The following RFTN1 variants were observed in gnomAD, a reference collection of about 807,000 sequenced individuals.
The protein encoded by RFTN1 is raftlin, lipid raft linker 1.
Under a neutral mutation model 46.5 loss-of-function variants are expected in RFTN1, and 26 were observed. The ratio of observed to expected loss-of-function variants is 0.56; its 90% CI spans 0.41 to 0.78. The LOEUF is 0.78. Ranked by LOEUF, RFTN1 falls within the 30% of genes least tolerant of loss-of-function variation. The probability of loss-of-function intolerance (pLI) is 0.00; values close to 1 mark genes in which losing one functional copy is unlikely to be tolerated. For missense variants in RFTN1, 693 were observed against 718.7 expected (o/e 0.96, Z 0.41); for synonymous variants, 261 against 284.2 (o/e 0.92, Z 0.82).
rs1169699966 is a variant in RFTN1, at chr3:16,376,196, A to G, written c.826+1522T>C. Among the ~76,000 whole-genome samples, 1 of 152,198 alleles carries G rather than the reference A, an allele frequency of 6.6e-6. No homozygotes were observed. Among genetic ancestry groups the G allele is most frequent in the African/African-American group, 2.4e-5 (1 of 41,450 alleles). On this transcript the variant is annotated intron_variant, in intron 5 of 9. Transcript: ENST00000334133. The surrounding 1 kb of genome is among the most constrained non-coding windows in gnomAD (Gnocchi z 4.7). ...ACTGAGCCTGTACCCCAATAATAGC[A>G]GCTCATACTCATGAGTCAAACAGTG...
Position 16,466,209 on chromosome 3 carries a change from A to G in RFTN1, c.145+27516T>C, listed in dbSNP as rs2076088282. ...CTGCCTAGCACGTCCTGCTCTTGCA[A>G]CAAAGAACACTTTTAACTTGCATCG... On this transcript the variant is annotated intron_variant, in intron 2 of 9. Coordinates refer to ENST00000334133, the MANE Select transcript of RFTN1 (RefSeq NM_015150.2). The surrounding 1 kb of genome is among the most constrained non-coding windows in gnomAD (Gnocchi z 5.6). Among the ~76,000 whole-genome samples, 1 of 152,220 alleles carries G rather than the reference A, an allele frequency of 6.6e-6. No homozygotes were observed. Among genetic ancestry groups the G allele is most frequent in the Admixed American group, 6.5e-5 (1 of 15,292 alleles).
chr3:16,395,752 AACTTT>A (rs1159265042), intron 4 of RFTN1, among the ~76,000 whole-genome samples: 3 of 152,202 alleles, frequency 2.0e-5, no homozygotes, highest in Non-Finnish European at 2.9e-5. Flanking sequence ...TGTTAAGTAC[AACTTT>A]ACTTTGTAGA....
chr3:16,455,309 T>C (rs930757054), intron 2 of RFTN1, among the ~76,000 whole-genome samples: 1 of 152,208 alleles, frequency 6.6e-6, no homozygotes, highest in African/African-American at 2.4e-5. Flanking sequence ...AGAGGCTTAT[T>C]TGGCAAAAGC....
rs952066293 is a variant in RFTN1 at position 16,422,629 on chromosome 3, A to T, written c.332+11222T>A. Among the ~76,000 whole-genome samples the T allele has an allele frequency of 8.4e-5, 12 of 143,340 alleles. 1 individual carries two copies. In the South Asian group the frequency reaches 1.8e-3, roughly 21 times the overall value. 94.0% of individuals were successfully genotyped at this position (143,340 alleles called of 152,430 possible). The stretch of plus-strand genomic sequence containing the variant: ...CTGGTGACAAAGCGAGACTCCGTCT[A>T]AAAAAAAAAAAGAATAGTGCCCTAC... On this transcript the variant is annotated intron_variant, in intron 3 of 9. Transcript: ENST00000334133. This position sits in a 1 kb window ranked among gnomAD's most constrained non-coding sequence, Gnocchi z 4.6.
chr3:16,370,183 C>A lies in RFTN1; in HGVS notation c.923G>T (p.Gly308Val). Residue 308 changes from glycine (G) to valine (V), a missense_variant, in exon 6 of 10, where the codon GGC becomes GTC. Physicochemically the swap from Gly to Val is moderately radical, Grantham distance 109. Coordinates refer to ENST00000334133, the MANE Select transcript of RFTN1 (RefSeq NM_015150.2). This position sits in a 1 kb window ranked among gnomAD's most constrained non-coding sequence, Gnocchi z 5.5. ...VTIPLHVSKN[G>V]QTVSGLDANW... ...GGCGTCCAAACCGCTCACTGTCTGG[C>A]CATTCTTGGAGACATGGAGAGGAAT... 1 of 1,614,178 alleles carries A rather than the reference C, an allele frequency of 6.2e-7. No homozygotes were observed. The highest frequency in any genetic ancestry group is 1.1e-5 in the South Asian group (1 of 91,078).
rs372053216 is a variant in RFTN1, at chr3:16,475,504, A to G, written c.145+18221T>C. On this transcript the variant is annotated intron_variant, in intron 2 of 9. Transcript: ENST00000334133. This position sits in a 1 kb window ranked among gnomAD's most constrained non-coding sequence, Gnocchi z 4.2. ...ACAGAAACAAAAGGCAAAGAAGGCA[A>G]TTACCCTACTGGGTGAGGTGAATGA... Among the ~76,000 whole-genome samples the G allele has an allele frequency of 3.9e-5, 6 of 152,302 alleles. No individual in the cohort carries two copies. In the East Asian group the frequency reaches 7.7e-4, roughly 20 times the overall value.
intron 5 of RFTN1, among the ~76,000 whole-genome samples, chr3:16,375,634 G>A (rs552784767): frequency 2.0e-5 from 3 of 152,268 alleles, no homozygotes; most frequent in East Asian, 1.9e-4. Flanking sequence ...TCAGAGATTC[G>A]CAGCCTGAGC....
chr3:16,323,450 T>C lies in RFTN1; in HGVS notation c.1258A>G (p.Ser420Gly). Residue 420 changes from serine to glycine, a missense_variant, in exon 9 of 10, where the codon AGT becomes GGT. Physicochemically the swap from Ser to Gly is moderately conservative, Grantham distance 56. Coordinates refer to ENST00000334133, the MANE Select transcript of RFTN1 (RefSeq NM_015150.2). The stretch of plus-strand genomic sequence containing the variant: ...AAGACAATCTGCTTGGTGGATACAC[T>C]CCCCTCGCTGTAACACACGGAGCTG... ...TPVVKTTSEG[S>G]VSTKQIVFLQ... is the part of the protein sequence containing the mutation. 2 of 1,610,598 alleles carry C rather than the reference T, an allele frequency of 1.2e-6. No homozygotes were observed. The highest frequency in any genetic ancestry group is 1.7e-6 in the Non-Finnish European group (2 of 1,177,110).
rs1028585658 is a variant in RFTN1, at chr3:16,335,467, T to C, written c.1147-8591A>G. Among the ~76,000 whole-genome samples the C allele has an allele frequency of 6.6e-6, 1 of 152,238 alleles. No individual in the cohort carries two copies. Among genetic ancestry groups the C allele is most frequent in the African/African-American group, 2.4e-5 (1 of 41,462 alleles). ...ACGAATCACGTCCTTTGTGGGGACATGGATGGAGCTGGAAGCTGTTATCCT... is the reference window on the plus strand; with the variant it reads ...ACGAATCACGTCCTTTGTGGGGACACGGATGGAGCTGGAAGCTGTTATCCT... On this transcript the variant is annotated intron_variant, in intron 7 of 9. Coordinates refer to ENST00000334133, the MANE Select transcript of RFTN1 (RefSeq NM_015150.2). The surrounding 1 kb of genome is among the most constrained non-coding windows in gnomAD (Gnocchi z 4.7).
At position 16,440,389 on chromosome 3, in the gene RFTN1, G is replaced by C. The variant is rs558653141; in HGVS notation, c.146-6352C>G. 2.0e-5 allele frequency among the ~76,000 whole-genome samples: 3 copies of C among 152,284 alleles called. No homozygotes were observed. In the South Asian group the frequency reaches 6.2e-4, roughly 32 times the overall value. On this transcript the variant is annotated intron_variant, in intron 2 of 9. Coordinates refer to ENST00000334133, the MANE Select transcript of RFTN1 (RefSeq NM_015150.2). The surrounding 1 kb of genome is among the most constrained non-coding windows in gnomAD (Gnocchi z 4.6). ...TCAGCTAATTTTTGTATTTTTAGTAGAGTCAGGGTTTCACTATGTTGGCCA... is the reference window on the plus strand; with the variant it reads ...TCAGCTAATTTTTGTATTTTTAGTACAGTCAGGGTTTCACTATGTTGGCCA...
At position 16,409,374 on chromosome 3, in the gene RFTN1, C is replaced by T. The variant is rs771293505; in HGVS notation, c.441+1G>A. On this transcript the variant is annotated splice_donor_variant, in intron 4 of 9. Transcript: ENST00000334133. LOFTEE classifies it high-confidence loss of function. ...AATGGTACCCTGACTGTAGCGCTCA[C>T]CTTCTTAATGAACTCTGGGATGAGT... 1 of 1,600,036 alleles carries T rather than the reference C, an allele frequency of 6.2e-7. No homozygotes were observed. Among genetic ancestry groups the T allele is most frequent in the East Asian group, 2.2e-5 (1 of 44,790 alleles).
In RFTN1 at chr3:16,440,714, C is replaced by T. The variant is rs529147273; in HGVS notation, c.146-6677G>A. ...GGGGGGGGGCCCAATGGTGCCAGAA[C>T]TTCTAACTCTTACTTTCAAGAAGTC... is the stretch of plus-strand genomic sequence containing the variant. On this transcript the variant is annotated intron_variant, in intron 2 of 9. Transcript: ENST00000334133. This position sits in a 1 kb window ranked among gnomAD's most constrained non-coding sequence, Gnocchi z 4.6. Among the ~76,000 whole-genome samples the T allele has an allele frequency of 3.7e-4, 57 of 152,162 alleles. No homozygotes were observed. The highest frequency in any genetic ancestry group is 3.4e-3 in the Middle Eastern group (1 of 294).
In RFTN1 at chr3:16,510,714, G is replaced by C. The variant is rs73146259; in HGVS notation, c.-9+2728C>G. Among the ~76,000 whole-genome samples, 961 of 152,288 alleles carry C rather than the reference G, an allele frequency of 6.3e-3. 13 individuals are homozygous for C. The highest frequency in any genetic ancestry group is 0.022 in the African/African-American group (896 of 41,546). ...TATAACCATGTTGGGAAAAGGTCTG[G>C]CAGTTTCTTTTCAGGTTTCCATATA... is the stretch of plus-strand genomic sequence containing the variant. On this transcript the variant is annotated intron_variant, in intron 1 of 9. Coordinates refer to ENST00000334133, the MANE Select transcript of RFTN1 (RefSeq NM_015150.2).
chr3:16,491,601 C>T (rs1323359667), intron 2 of RFTN1, among the ~76,000 whole-genome samples: 1 of 152,110 alleles, frequency 6.6e-6, no homozygotes, highest in Non-Finnish European at 1.5e-5. Flanking sequence ...GGGAAACAAA[C>T]AAATAAGGAG....
intron 9 of RFTN1, among the ~76,000 whole-genome samples, chr3:16,319,480 A>G (rs1292770510): frequency 6.6e-6 from 1 of 152,210 alleles, no homozygotes; most frequent in Non-Finnish European, 1.5e-5. Flanking sequence ...GCACACCTCC[A>G]GGGCCCCATT....
At chr3:16,477,721 G>A (rs1389350149) in intron 2 of RFTN1, among the ~76,000 whole-genome samples, 1 of 152,184 alleles carries the variant, frequency 6.6e-6, no homozygotes, top group Non-Finnish European at 1.5e-5. Flanking sequence ...TTATTTACAT[G>A]AGTGCTAGGG....
At chr3:16,445,483 TCACA>T (rs10681518) in intron 2 of RFTN1, among the ~76,000 whole-genome samples, 293 of 126,852 alleles carry the variant, frequency 2.3e-3, no homozygotes, top group South Asian at 4.7e-3. Flanking sequence ...TCTCTCTCTC[TCACA>T]CACACACACA....
intron 3 of RFTN1, among the ~76,000 whole-genome samples, chr3:16,423,860 C>G (rs1042414623): frequency 2.0e-5 from 3 of 152,196 alleles, no homozygotes; most frequent in Non-Finnish European, 2.9e-5. Context: ...ACAAAGACTG[C>G]TACCTTAGCG....
Position 16,356,041 on chromosome 3 carries a change from C to T in RFTN1, c.1146+1891G>A, listed in dbSNP as rs886194708. ...AAATGTTACGGAGCAAACTGAATGC[C>T]GGCTGCTCAGTCCTTCAGATCCTCA... is the stretch of plus-strand genomic sequence containing the variant. On this transcript the variant is annotated intron_variant, in intron 7 of 9. Transcript: ENST00000334133. The surrounding 1 kb of genome is among the most constrained non-coding windows in gnomAD (Gnocchi z 4.9). Among the ~76,000 whole-genome samples the T allele has an allele frequency of 2.0e-5, 3 of 152,184 alleles. No homozygotes were observed. The highest frequency in any genetic ancestry group is 2.9e-5 in the Non-Finnish European group (2 of 68,042).
Sources: gnomAD v4.1 joint callset for allele counts (sites outside exome capture counted in the v4.1 genomes callset) on GRCh38, gnomAD v4.1.1 for gene constraint, Gnocchi (gnomAD v3.1) non-coding constraint, MANE v1.5 for transcripts, NCBI Gene and HGNC (gene_info 2026-07-23, HGNC 2026-07-21) for gene names.